The following DEPDC5 variants were observed in gnomAD, a reference collection of about 807,000 sequenced individuals.
The protein encoded by DEPDC5 is DEP domain containing 5, GATOR1 subcomplex subunit.
A neutral mutation model predicts 217.3 loss-of-function variants in DEPDC5; 73 were observed. The ratio of observed to expected loss-of-function variants is 0.34; its 90% CI spans 0.28 to 0.41. DEPDC5 has a LOEUF of 0.41. DEPDC5 is among the 10% of genes least tolerant of loss of function. The pLI is 1.00. For missense variants in DEPDC5, 1,675 were observed against 2,070.1 expected, an observed-to-expected ratio of 0.81 and a Z score of 3.70; for synonymous variants, 733 against 756.7, an observed-to-expected ratio of 0.97 and a Z score of 0.51.
chr22:31,781,898 G>A (rs2084486058), intron 8 of DEPDC5, among the ~76,000 whole-genome samples: 1 of 151,986 alleles, frequency 6.6e-6, no homozygotes, highest in African/African-American at 2.4e-5. Context: ...AGGGGTAGTG[G>A]CCCACACCTA....
At chr22:31,790,687 G>A (rs1316769071) in intron 10 of DEPDC5, among the ~76,000 whole-genome samples, 3 of 151,616 alleles carry the variant, frequency 2.0e-5, no homozygotes, top group African/African-American at 7.3e-5. Context: ...GCCAAGGCAA[G>A]TGGATCACTT....
chr22:31,874,245 G>A (rs1300554277), intron 35 of DEPDC5, 28 bp from the exon 36 acceptor site: 2 of 1,597,048 alleles, frequency 1.3e-6, no homozygotes, highest in Non-Finnish European at 1.7e-6. Flanking sequence ...CACATCCCCT[G>A]CTCCCCGTTC....
At chr22:31,898,370 T>A (rs760483914) in intron 40 of DEPDC5, among the ~76,000 whole-genome samples, 27 of 152,204 alleles carry the variant, frequency 1.8e-4, no homozygotes, top group Non-Finnish European at 3.1e-4. Flanking sequence ...ATATAGCTTT[T>A]TATTACCAAG....
At chr22:31,754,219 C>T (rs999076072) in intron 1 of DEPDC5, 55 bp downstream of exon 1, 1 of 153,584 alleles carries the variant, frequency 6.5e-6, no homozygotes, top group African/African-American at 2.4e-5. Flanking sequence ...AGATAGGGGA[C>T]CTTGGCCCAG....
At chr22:31,869,976 C>T (rs2092797081) in intron 33 of DEPDC5, among the ~76,000 whole-genome samples, 1 of 152,164 alleles carries the variant, frequency 6.6e-6, no homozygotes, top group Non-Finnish European at 1.5e-5. Context: ...TTTAGAGATG[C>T]ATGTGAATCT....
In DEPDC5 at chr22:31,802,544, T is replaced by C. The variant is rs192722019; in HGVS notation, c.947-160T>C. On this transcript the variant is annotated intron_variant, in intron 14 of 42. Transcript: ENST00000651528. ...TCCTGTGGTCAAGTAGTTCTTAATA[T>C]GGAAGAGAAAAGACAGATGCGTATA... Among the ~76,000 whole-genome samples the C allele has an allele frequency of 2.6e-5, 4 of 152,228 alleles. No individual in the cohort carries two copies. In the East Asian group the frequency reaches 7.7e-4, roughly 29 times the overall value.
At chr22:31,899,881 C>T (rs2093618384) in intron 40 of DEPDC5, among the ~76,000 whole-genome samples, 1 of 152,124 alleles carries the variant, frequency 6.6e-6, no homozygotes, top group Non-Finnish European at 1.5e-5. Flanking sequence ...GACAGCCTTC[C>T]CCAGCCCTCC....
rs758550887 is a variant in DEPDC5 at position 31,843,723 on chromosome 22, C to T, written c.2712C>T (p.Cys904=). The change falls in exon 29 of 43, where the codon TGC becomes TGT. Residue 904 remains cysteine, a synonymous_variant. Coordinates refer to ENST00000651528, the MANE Select transcript of DEPDC5 (RefSeq NM_001242896.3). ...PSHSDSEFVS[C]WVEFSHERLE... ...ACTCAGACTCAGAGTTCGTCTCCTGCTGGGTGGAATTCTCCCACGAACGGC... is the reference window on the plus strand; with the variant it reads ...ACTCAGACTCAGAGTTCGTCTCCTGTTGGGTGGAATTCTCCCACGAACGGC... The T allele has an allele frequency of 1.2e-6, 2 of 1,614,064 alleles. No individual in the cohort carries two copies. Among genetic ancestry groups the T allele is most frequent in the South Asian group, 2.2e-5 (2 of 91,070 alleles).
chr22:31,754,746 C>T (rs2075173799), intron 1 of DEPDC5, 116 bp from the exon 2 acceptor site: 2 of 652,864 alleles, frequency 3.1e-6, no homozygotes, highest in South Asian at 1.9e-5. Flanking sequence ...TTCCGAGAGT[C>T]ACTTGGCACC....
intron 38 of DEPDC5, among the ~76,000 whole-genome samples, chr22:31,884,291 C>T (rs539072610): frequency 1.5e-4 from 23 of 152,286 alleles, no homozygotes; most frequent in African/African-American, 5.5e-4. Context: ...GCAGTCATCC[C>T]CCTCCCTGAA....
intron 33 of DEPDC5, among the ~76,000 whole-genome samples, chr22:31,868,080 C>G (rs1365318261): frequency 6.6e-6 from 1 of 152,162 alleles, no homozygotes; most frequent in Non-Finnish European, 1.5e-5. Flanking sequence ...CTGTCTCTTG[C>G]TGCATTTCTC....
rs756066543 is a variant in DEPDC5 at position 31,838,722 on chromosome 22, G to A, written c.2392G>A (p.Val798Ile). 6.2e-7 allele frequency: 1 copy of A among 1,614,112 alleles called. No individual in the cohort carries two copies. The change falls in exon 27 of 43, where the codon GTA becomes ATA. Residue 798 changes from valine to isoleucine, a missense_variant. By Grantham distance (29) the Val-to-Ile change is conservative. This residue lies in a region of DEPDC5 where 293 missense variants were observed against 386.1 expected (regional missense o/e 0.76). Transcript: ENST00000651528. ...EDGVQMTAQQVFEEFICQRLM... is the reference protein window; with the variant it reads ...EDGVQMTAQQIFEEFICQRLM... ...TGGTGTGCAGATGACAGCCCAGCAG[G>A]TATTTGAAGAGTTTATTTGCCAACG...
At chr22:31,784,672 C>T in intron 9 of DEPDC5, 142 bp from the exon 10 acceptor site, 2 of 586,664 alleles carry the variant, frequency 3.4e-6, no homozygotes, top group Admixed American at 3.3e-5. Flanking sequence ...GGTCCCCTTT[C>T]TTATAGAAGA....
rs778290250 is a variant in DEPDC5 at position 31,838,656 on chromosome 22, C to T, written c.2355-29C>T. 1.0e-4 allele frequency: 161 copies of T among 1,610,730 alleles called. 2 individuals carry two copies. The highest frequency in any genetic ancestry group is 6.7e-5 in the Admixed American group (4 of 59,900). On this transcript the variant is annotated intron_variant, in intron 26 of 42. Coordinates refer to ENST00000651528, the MANE Select transcript of DEPDC5 (RefSeq NM_001242896.3). Reference sequence around the variant, plus strand: ...AGTGTCACTGTCTCGGGCCAAGCATCTGTATGAGCAATCATCTGTTGTTTT... The same window carrying T: ...AGTGTCACTGTCTCGGGCCAAGCATTTGTATGAGCAATCATCTGTTGTTTT...
chr22:31,832,330 A>G (rs562838473), intron 24 of DEPDC5, among the ~76,000 whole-genome samples: 12 of 152,186 alleles, frequency 7.9e-5, no homozygotes, highest in Non-Finnish European at 1.5e-4. Context: ...TCAAATGGTA[A>G]ATCTGTTTTC....
At chr22:31,760,094 G>A (rs969268279) in intron 3 of DEPDC5, among the ~76,000 whole-genome samples, 14 of 149,604 alleles carry the variant, frequency 9.4e-5, no homozygotes, top group Non-Finnish European at 1.8e-4. Flanking sequence ...GTGAGACGGA[G>A]TCTTGCTCTG....
rs538757912 is a variant in DEPDC5 at position 31,874,076 on chromosome 22, A to T, written c.3564-197A>T. 8.9e-5 allele frequency: 69 copies of T among 774,296 alleles called. 2 individuals are homozygous for T. The South Asian group carries it at 1.1e-3, about 12-fold the overall frequency. 48.0% of individuals were successfully genotyped at this position (774,296 alleles called of 1,614,324 possible). A position where few individuals can be genotyped will look rare whatever the true frequency, so the allele number is the denominator to read the frequency against. ...CCAAAGTGCTGGGATTACAGGCGTG[A>T]GCGACCACGCTGGGCCCCCGGTAAC... On this transcript the variant is annotated intron_variant, in intron 35 of 42. Coordinates refer to ENST00000651528, the MANE Select transcript of DEPDC5 (RefSeq NM_001242896.3).
At chr22:31,834,235 C>G (rs889823302) in intron 25 of DEPDC5, 1 of 491,042 alleles carries the variant, frequency 2.0e-6, no homozygotes, top group Non-Finnish European at 3.8e-6. Flanking sequence ...CCCTATAAGG[C>G]CCCCATGCTG....
rs368129922 is a variant in DEPDC5, at chr22:31,792,778, G to T, written c.728G>T (p.Arg243Leu). The stretch of plus-strand genomic sequence containing the variant: ...CCTGAAATAAACCGAGCCTCAATTC[G>T]ACAGGATCACAAGGGGAGATTCTAT... ...EFPEINRASI[R>L]QDHKGRFYED... is the part of the protein sequence containing the mutation. Residue 243 changes from arginine to leucine, a missense_variant, in exon 12 of 43, where the codon CGA (arginine) becomes CTA (leucine). By Grantham distance (102) the Arg-to-Leu change is moderately radical. Coordinates refer to ENST00000651528, the MANE Select transcript of DEPDC5 (RefSeq NM_001242896.3). The T allele has an allele frequency of 6.4e-7, 1 of 1,552,724 alleles. No individual in the cohort carries two copies. The highest frequency in any genetic ancestry group is 8.6e-7 in the Non-Finnish European group (1 of 1,158,868).
Sources: gnomAD v4.1 joint callset for allele counts (sites outside exome capture counted in the v4.1 genomes callset) on GRCh38, gnomAD v4.1.1 for gene constraint, gnomAD v4.1.1 regional missense constraint, MANE v1.5 for transcripts, NCBI Gene and HGNC (gene_info 2026-07-23, HGNC 2026-07-21) for gene names.